MAD1L1: variants seen among roughly 807,000 people sequenced by gnomAD.
MAD1L1 encodes mitotic arrest deficient 1 like 1, also known as mitotic spindle assembly checkpoint protein MAD1.
In MAD1L1, 95 loss-of-function variants were observed where a neutral mutation model predicts 96.9. The observed-to-expected ratio is 0.98, with a 90% CI of 0.83 to 1.16. MAD1L1 has a LOEUF of 1.16. Among genes scored for constraint, MAD1L1 ranks in the 50% most tolerant of loss-of-function variants. The probability of loss-of-function intolerance (pLI) is 0.00; values close to 1 mark genes in which losing one functional copy is unlikely to be tolerated. For missense variants in MAD1L1, 1,007 were observed against 954.4 expected (o/e 1.06, Z -0.73); for synonymous variants, 473 against 396.6 (o/e 1.19, Z -2.29).
chr7:1,954,138 G>A (rs888374364), intron 16 of MAD1L1, among the ~76,000 whole-genome samples: 8 of 152,186 alleles, frequency 5.3e-5, no homozygotes, highest in Admixed American at 2.0e-4. Flanking sequence ...CGTGGAAAAC[G>A]TCCAAGTGTC....
chr7:2,040,325 C>A (rs1482854606), intron 12 of MAD1L1, among the ~76,000 whole-genome samples: 1 of 152,220 alleles, frequency 6.6e-6, no homozygotes. Context: ...CCTCCCAGAT[C>A]CCCACAACTG....
intron 14 of MAD1L1, 100 bp downstream of exon 14, chr7:2,001,965 C>A (rs1781816822): frequency 2.4e-6 from 3 of 1,239,140 alleles, no homozygotes; most frequent in Non-Finnish European, 3.5e-6. Context: ...GGCAGCCATG[C>A]ACTGGCGCCT....
chr7:1,983,359 T>C (rs1220537095), intron 14 of MAD1L1, among the ~76,000 whole-genome samples: 2 of 152,230 alleles, frequency 1.3e-5, no homozygotes, highest in East Asian at 3.8e-4. Context: ...CTTCTGTTTC[T>C]TTCCTCTTGT....
intron 18 of MAD1L1, among the ~76,000 whole-genome samples, chr7:1,884,765 C>T (rs890086455): frequency 5.3e-5 from 8 of 152,224 alleles, no homozygotes; most frequent in African/African-American, 1.9e-4. Flanking sequence ...CCAGCCCAGG[C>T]CTCCTGTCTG....
chr7:2,074,830 C>T (rs1261243649), intron 11 of MAD1L1, among the ~76,000 whole-genome samples: 3 of 151,888 alleles, frequency 2.0e-5, no homozygotes, highest in South Asian at 2.1e-4. Flanking sequence ...GAGGGGAAAC[C>T]GGAGGCTGGG....
intron 10 of MAD1L1, among the ~76,000 whole-genome samples, chr7:2,170,571 G>T (rs2128594543): frequency 6.6e-6 from 1 of 152,306 alleles, no homozygotes; most frequent in African/African-American, 2.4e-5. Flanking sequence ...CATCGGCAGG[G>T]ACAGACAAAC....
chr7:2,218,942 C>T (rs1004274450), intron 6 of MAD1L1, among the ~76,000 whole-genome samples: 4 of 151,954 alleles, frequency 2.6e-5, no homozygotes, highest in African/African-American at 9.7e-5. Context: ...TGCTTGCAGA[C>T]CCAGTTACTC....
intron 11 of MAD1L1, among the ~76,000 whole-genome samples, chr7:2,110,295 G>A (rs1365029198): frequency 1.3e-5 from 2 of 152,154 alleles, no homozygotes; most frequent in South Asian, 2.1e-4. Flanking sequence ...CAGCCGTGCC[G>A]CCATGCCCCA....
intron 13 of MAD1L1, among the ~76,000 whole-genome samples, chr7:2,008,028 C>T (rs1782114169): frequency 1.3e-5 from 2 of 152,236 alleles, no homozygotes; most frequent in South Asian, 4.1e-4. Context: ...GTCACAGGCC[C>T]CAGACCGGTG....
At chr7:2,062,476 G>A (rs1584229773) in intron 12 of MAD1L1, among the ~76,000 whole-genome samples, 1 of 151,960 alleles carries the variant, frequency 6.6e-6, no homozygotes, top group East Asian at 1.9e-4. Flanking sequence ...TCGAGAGGCT[G>A]AGGCAACAGA....
chr7:2,163,689 A>G (rs1790277012), intron 10 of MAD1L1, among the ~76,000 whole-genome samples: 1 of 152,092 alleles, frequency 6.6e-6, no homozygotes, highest in Admixed American at 6.5e-5. Flanking sequence ...CGTATAATGC[A>G]TTTTAAACTT....
In MAD1L1 at chr7:2,225,478, C is replaced by G. The variant is rs1584598369; in HGVS notation, c.223G>C (p.Glu75Gln). The G allele has an allele frequency of 1.2e-6, 2 of 1,614,202 alleles. No individual in the cohort carries two copies. The highest frequency in any genetic ancestry group is 1.7e-6 in the Non-Finnish European group (2 of 1,180,026). Residue 75 changes from glutamate (E) to glutamine (Q), a missense_variant, in exon 4 of 19, where the codon GAG (glutamate) becomes CAG (glutamine). Transcript: ENST00000265854. ...ACTCGAGCCCTCTTGTGACTCAGCTCCATCTGCATTTTCTCCCGCTCCACC... is the reference window on the plus strand; with the variant it reads ...ACTCGAGCCCTCTTGTGACTCAGCTGCATCTGCATTTTCTCCCGCTCCACC... ...IQVEREKMQM[E>Q]LSHKRARVEL...
chr7:2,224,450 C>G (rs922939535), intron 4 of MAD1L1, among the ~76,000 whole-genome samples: 2 of 152,212 alleles, frequency 1.3e-5, no homozygotes, highest in African/African-American at 4.8e-5. Flanking sequence ...CAGTGGCCCC[C>G]ACCCCAGCGG....
At chr7:1,933,300 G>C (rs1021039778) in intron 17 of MAD1L1, among the ~76,000 whole-genome samples, 2 of 152,288 alleles carry the variant, frequency 1.3e-5, no homozygotes, top group Middle Eastern at 3.4e-3. Flanking sequence ...GGGAGCTGTC[G>C]AGCTGGGGAA....
At chr7:2,181,889 T>C (rs1029231415) in intron 10 of MAD1L1, among the ~76,000 whole-genome samples, 9 of 152,126 alleles carry the variant, frequency 5.9e-5, no homozygotes, top group African/African-American at 1.9e-4. Context: ...GCAACGTGGA[T>C]GGAGTTGGAG....
intron 14 of MAD1L1, among the ~76,000 whole-genome samples, chr7:2,001,342 G>T (rs1781782866): frequency 6.6e-6 from 1 of 152,284 alleles, no homozygotes. Flanking sequence ...GCCAAGGCCA[G>T]GGCAGCATGG....
chr7:2,195,528 A>G (rs1313422476), intron 10 of MAD1L1, among the ~76,000 whole-genome samples: 7 of 152,260 alleles, frequency 4.6e-5, no homozygotes, highest in Non-Finnish European at 8.8e-5. Context: ...GACAAACAGC[A>G]GTGCTCTGAA....
chr7:1,860,918 C>A (rs1301396283), intron 18 of MAD1L1, among the ~76,000 whole-genome samples: 1 of 152,184 alleles, frequency 6.6e-6, no homozygotes, highest in Non-Finnish European at 1.5e-5. Flanking sequence ...ACAGGCCGGC[C>A]GTCAAATCTC....
chr7:1,847,644 T>A (rs1783711612), intron 18 of MAD1L1: 1 of 470,796 alleles, frequency 2.1e-6, no homozygotes, highest in Non-Finnish European at 4.4e-6. Context: ...CTCCAGCAGC[T>A]GCCCTCGGCC....
Sources: gnomAD v4.1 joint callset for allele counts (sites outside exome capture counted in the v4.1 genomes callset) on GRCh38, gnomAD v4.1.1 for gene constraint, MANE v1.5 for transcripts, NCBI Gene and HGNC (gene_info 2026-07-23, HGNC 2026-07-21) for gene names.